Variants in ASTN2 observed in about 807,000 individuals in gnomAD.
ASTN2 encodes astrotactin 2.
A neutral mutation model predicts 139.8 loss-of-function variants in ASTN2; 54 were observed. The observed-to-expected ratio is 0.39, with a 90% CI of 0.31 to 0.48. ASTN2 has a LOEUF of 0.48. ASTN2 is among the 20% of genes least tolerant of loss of function. The pLI is 0.95. For missense variants in ASTN2, 1,565 were observed against 1,725.1 expected, an observed-to-expected ratio of 0.91 and a Z score of 1.64; for synonymous variants, 756 against 719.5, an observed-to-expected ratio of 1.05 and a Z score of -0.81.
At chr9:116,479,565 C>T (rs191449041) in intron 20 of ASTN2, among the ~76,000 whole-genome samples, 3 of 152,126 alleles carry the variant, frequency 2.0e-5, no homozygotes, top group Non-Finnish European at 2.9e-5. Context: ...GGAAACAGCT[C>T]GGCAGATGAG....
chr9:117,169,376 G>A lies in ASTN2; in HGVS notation c.1016-27898C>T, dbSNP rs547361628. ...AACATTTATAGTTGTGTGTGAATCC[G>A]AAAAGAAAAAAGAAAGGAAGAGGCA... is the stretch of plus-strand genomic sequence containing the variant. On this transcript the variant is annotated intron_variant, in intron 3 of 22. Transcript: ENST00000313400. Among the ~76,000 whole-genome samples the A allele has an allele frequency of 3.7e-3, 562 of 152,150 alleles. 7 individuals carry two copies. Among genetic ancestry groups the A allele is most frequent in the Non-Finnish European group, 3.4e-3 (233 of 67,972 alleles).
chr9:116,851,121 G>A (rs1832586783), intron 11 of ASTN2, among the ~76,000 whole-genome samples: 1 of 152,150 alleles, frequency 6.6e-6, no homozygotes, highest in East Asian at 1.9e-4. Flanking sequence ...TCAACCAAAG[G>A]CAAGTTTGAT....
intron 11 of ASTN2, among the ~76,000 whole-genome samples, chr9:116,842,687 G>T (rs1476329390): frequency 1.4e-5 from 2 of 143,484 alleles, no homozygotes; most frequent in South Asian, 2.5e-4. Context: ...TTCAGCTGCC[G>T]CTCAATTTGT....
intron 10 of ASTN2, among the ~76,000 whole-genome samples, chr9:116,916,309 G>C (rs1003717033): frequency 2.6e-5 from 4 of 152,246 alleles, no homozygotes; most frequent in African/African-American, 4.8e-5. Flanking sequence ...CTGGGAGAGA[G>C]AGTGAAAATT....
intron 15 of ASTN2, among the ~76,000 whole-genome samples, chr9:116,728,629 T>C (rs1828696731): frequency 6.6e-6 from 1 of 152,124 alleles, no homozygotes; most frequent in African/African-American, 2.4e-5. Context: ...GAGGAGAATT[T>C]ATAATTCACA....
At chr9:117,230,528 A>G (rs570470639) in intron 2 of ASTN2, among the ~76,000 whole-genome samples, 36 of 152,306 alleles carry the variant, frequency 2.4e-4, no homozygotes, top group African/African-American at 6.3e-4. Flanking sequence ...ACATCTATAA[A>G]TACCTTATTT....
intron 10 of ASTN2, among the ~76,000 whole-genome samples, chr9:116,873,713 G>C (rs1001319786): frequency 5.3e-5 from 8 of 152,192 alleles, no homozygotes; most frequent in African/African-American, 1.9e-4. Flanking sequence ...CCAGGTGGGA[G>C]GTGATTGGAT....
chr9:116,853,193 G>A (rs1339026248), intron 11 of ASTN2, among the ~76,000 whole-genome samples: 1 of 151,938 alleles, frequency 6.6e-6, no homozygotes, highest in Non-Finnish European at 1.5e-5. Flanking sequence ...TTAAGAAAGG[G>A]GGCCTTGAGT....
At chr9:117,334,464 T>A (rs79308968) in intron 1 of ASTN2, among the ~76,000 whole-genome samples, 2,045 of 150,638 alleles carry the variant, frequency 0.014, 23 homozygotes, top group Non-Finnish European at 0.023. Flanking sequence ...AAGGATTACA[T>A]GAGAAGTGGT....
intron 11 of ASTN2, among the ~76,000 whole-genome samples, chr9:116,847,258 G>A (rs1832467122): frequency 6.6e-6 from 1 of 152,118 alleles, no homozygotes; most frequent in Non-Finnish European, 1.5e-5. Context: ...TGGGACTACA[G>A]GCACACACCA....
At chr9:116,490,142 A>G (rs1564314280) in intron 19 of ASTN2, among the ~76,000 whole-genome samples, 1 of 152,022 alleles carries the variant, frequency 6.6e-6, no homozygotes, top group Non-Finnish European at 1.5e-5. Flanking sequence ...TTTATTCAGC[A>G]TAATTTTGGC....
At chr9:116,645,905 A>G (rs1857566110) in intron 17 of ASTN2, among the ~76,000 whole-genome samples, 1 of 152,246 alleles carries the variant, frequency 6.6e-6, no homozygotes, top group Admixed American at 6.5e-5. Context: ...CTAGAAGAGG[A>G]GTTACCAAAG....
chr9:117,200,605 A>G (rs1203204152), intron 3 of ASTN2, among the ~76,000 whole-genome samples: 4 of 152,216 alleles, frequency 2.6e-5, no homozygotes, highest in Non-Finnish European at 5.9e-5. Flanking sequence ...CCTTTTCTGC[A>G]TCTATTGAGA....
intron 13 of ASTN2, among the ~76,000 whole-genome samples, chr9:116,783,044 C>T (rs181405627): frequency 3.2e-4 from 49 of 152,228 alleles, no homozygotes; most frequent in Admixed American, 9.8e-4. Context: ...CTGGAGAGGA[C>T]TTTGGACAAC....
intron 22 of ASTN2, among the ~76,000 whole-genome samples, chr9:116,439,310 C>T (rs1847766838): frequency 1.4e-5 from 2 of 138,996 alleles, no homozygotes; most frequent in Admixed American, 7.3e-5. Context: ...ACGCCATTCT[C>T]CTGCCTCAGC....
At chr9:116,614,622 A>G (rs911006872) in intron 19 of ASTN2, among the ~76,000 whole-genome samples, 1 of 152,206 alleles carries the variant, frequency 6.6e-6, no homozygotes, top group Non-Finnish European at 1.5e-5. Context: ...AGAAATGGGG[A>G]AAGGATTCCC....
At chr9:117,223,209 C>T (rs752831264) in intron 2 of ASTN2, among the ~76,000 whole-genome samples, 4 of 152,086 alleles carry the variant, frequency 2.6e-5, no homozygotes, top group East Asian at 1.9e-4. Flanking sequence ...TAACAAGGGT[C>T]TAGGATGGCA....
intron 3 of ASTN2, among the ~76,000 whole-genome samples, chr9:117,186,515 C>G (rs1186129051): frequency 6.6e-6 from 1 of 151,820 alleles, no homozygotes; most frequent in East Asian, 1.9e-4. Flanking sequence ...CCACTGCACT[C>G]CAGCCTGGGC....
chr9:117,145,151 GAGACATCTA>G (rs1418758202), intron 3 of ASTN2, among the ~76,000 whole-genome samples: 6 of 152,144 alleles, frequency 3.9e-5, no homozygotes, highest in Admixed American at 3.3e-4. Context: ...GAATGTCTTT[GAGACATCTA>G]AGTGGAGATG....
Sources: allele counts gnomAD v4.1 joint callset (sites outside exome capture counted in the v4.1 genomes callset), GRCh38; gene constraint gnomAD v4.1.1; transcripts MANE v1.5; gene names NCBI Gene and HGNC (gene_info 2026-07-23, HGNC 2026-07-21).